Variants in GRIN2B observed in about 807,000 individuals in gnomAD.
GRIN2B encodes the protein glutamate receptor ionotropic, NMDA 2B.
A neutral mutation model predicts 114.5 loss-of-function variants in GRIN2B; 5 were observed. The ratio of observed to expected loss-of-function variants is 0.04; its 90% confidence interval spans 0.02 to 0.09. GRIN2B has a LOEUF of 0.09. Among genes scored for constraint, GRIN2B ranks in the 10% least tolerant of loss-of-function variants. GRIN2B has a pLI of 1.00. For missense variants in GRIN2B, 1,108 were observed against 1,943.5 expected (o/e 0.57, Z 8.08); for synonymous variants, 787 against 745.1 (o/e 1.06, Z -0.92).
chr12:13,810,102 C>T (rs1326754752), intron 3 of GRIN2B, among the ~76,000 whole-genome samples: 1 of 152,156 alleles, frequency 6.6e-6, no homozygotes, highest in Non-Finnish European at 1.5e-5. Context: ...TCCAAGAGAC[C>T]TTCCCTACCA....
At chr12:13,831,003 G>A (rs150519326) in intron 3 of GRIN2B, among the ~76,000 whole-genome samples, 166 of 152,290 alleles carry the variant, frequency 1.1e-3, no homozygotes, top group Non-Finnish European at 1.8e-3. Context: ...GAATGGCTTG[G>A]TGCCCTCCTC....
intron 3 of GRIN2B, among the ~76,000 whole-genome samples, chr12:13,840,087 T>C (rs1865351550): frequency 6.6e-6 from 1 of 152,136 alleles, no homozygotes; most frequent in Non-Finnish European, 1.5e-5. Context: ...AAGGGTGAGG[T>C]GTGTTTCACT....
intron 2 of GRIN2B, among the ~76,000 whole-genome samples, chr12:13,892,550 G>A (rs991925688): frequency 4.6e-5 from 7 of 152,146 alleles, no homozygotes; most frequent in East Asian, 1.9e-4. Flanking sequence ...GAAACAGGGC[G>A]CAGGCCAGAA....
chr12:13,755,401 T>C (rs1388585697), intron 3 of GRIN2B, among the ~76,000 whole-genome samples: 1 of 152,186 alleles, frequency 6.6e-6, no homozygotes, highest in Admixed American at 6.5e-5. Flanking sequence ...TTTTCACATT[T>C]TCCACAGGCT....
chr12:13,643,323 A>G (rs1443152176), intron 5 of GRIN2B, among the ~76,000 whole-genome samples: 1 of 152,142 alleles, frequency 6.6e-6, no homozygotes, highest in Admixed American at 6.6e-5. Flanking sequence ...GTGCATATAA[A>G]AGTTATATTT....
intron 4 of GRIN2B, among the ~76,000 whole-genome samples, chr12:13,736,035 C>T (rs1399445692): frequency 2.0e-5 from 3 of 151,532 alleles, no homozygotes. Flanking sequence ...GCTTGCTTTT[C>T]CCACTTCTCA....
In GRIN2B at chr12:13,820,761, C is replaced by A. The variant is rs1196123863; in HGVS notation, c.411+45037G>T. Among the ~76,000 whole-genome samples, 3 of 152,086 alleles carry A rather than the reference C, an allele frequency of 2.0e-5. No individual in the cohort carries two copies. The East Asian group carries it at 5.8e-4, about 29-fold the overall frequency. On this transcript the variant is annotated intron_variant, in intron 3 of 13. Transcript: ENST00000609686. Reference sequence around the variant, plus strand: ...CTCTTTTAACTATCTGAAAGGAAATCCTTCCTCCTTTTCCCCACTGCTGAG... The same window carrying A: ...CTCTTTTAACTATCTGAAAGGAAATACTTCCTCCTTTTCCCCACTGCTGAG...
chr12:13,973,146 C>T (rs1862960151), intron 2 of GRIN2B, among the ~76,000 whole-genome samples: 1 of 152,200 alleles, frequency 6.6e-6, no homozygotes, highest in Non-Finnish European at 1.5e-5. Flanking sequence ...CTTCTCCCTT[C>T]CTGTAACCAT....
At chr12:13,750,548 T>C (rs1156937709) in intron 4 of GRIN2B, among the ~76,000 whole-genome samples, 7 of 152,248 alleles carry the variant, frequency 4.6e-5, no homozygotes, top group Admixed American at 3.3e-4. Context: ...TTAGTCTCAG[T>C]AGTCCTTCAC....
chr12:13,910,074 T>C (rs1157612671), intron 2 of GRIN2B, among the ~76,000 whole-genome samples: 1 of 152,238 alleles, frequency 6.6e-6, no homozygotes, highest in African/African-American at 2.4e-5. Context: ...GATTTTCTTA[T>C]AAAATTTAAT....
At chr12:13,777,513 C>T (rs1770379071) in intron 3 of GRIN2B, among the ~76,000 whole-genome samples, 1 of 152,088 alleles carries the variant, frequency 6.6e-6, no homozygotes, top group African/African-American at 2.4e-5. Flanking sequence ...TCCGCAATAC[C>T]CATCTTCAGA....
At chr12:13,755,749 A>G (rs1863565095) in intron 3 of GRIN2B, among the ~76,000 whole-genome samples, 1 of 152,164 alleles carries the variant, frequency 6.6e-6, no homozygotes, top group Admixed American at 6.5e-5. Context: ...CTTTGGTCGG[A>G]ATGTTTGCAT....
intron 2 of GRIN2B, among the ~76,000 whole-genome samples, chr12:13,908,944 T>C (rs1462744643): frequency 1.3e-5 from 2 of 152,206 alleles, no homozygotes; most frequent in East Asian, 1.9e-4. Flanking sequence ...TCATGGAATC[T>C]AGAAATGTTT....
At chr12:13,887,051 G>A (rs773825774) in intron 2 of GRIN2B, among the ~76,000 whole-genome samples, 1 of 152,108 alleles carries the variant, frequency 6.6e-6, no homozygotes, top group Non-Finnish European at 1.5e-5. Flanking sequence ...GATACAAACC[G>A]AGGCAGTTAT....
At chr12:13,705,760 G>C (rs1460128962) in intron 4 of GRIN2B, among the ~76,000 whole-genome samples, 2 of 152,126 alleles carry the variant, frequency 1.3e-5, no homozygotes, top group African/African-American at 4.8e-5. Context: ...ATACTCAAGA[G>C]TTCAGAGAAC....
intron 10 of GRIN2B, among the ~76,000 whole-genome samples, chr12:13,605,560 C>CTG (rs1335507349): frequency 3.4e-5 from 5 of 148,560 alleles, no homozygotes; most frequent in African/African-American, 1.2e-4. Context: ...CTGACACACA[C>CTG]ACACACACAC....
chr12:13,783,941 C>T (rs965406725), intron 3 of GRIN2B, among the ~76,000 whole-genome samples: 5 of 151,820 alleles, frequency 3.3e-5, no homozygotes, highest in South Asian at 2.1e-4. Context: ...AAACATATCC[C>T]GGCCGGGCGC....
At chr12:13,814,689 A>G (rs1302667843) in intron 3 of GRIN2B, among the ~76,000 whole-genome samples, 2 of 152,240 alleles carry the variant, frequency 1.3e-5, no homozygotes, top group Admixed American at 6.5e-5. Context: ...AATGTTTTAC[A>G]TCTGTGCTGT....
At chr12:13,702,127 T>C (rs920065714) in intron 4 of GRIN2B, among the ~76,000 whole-genome samples, 1 of 152,224 alleles carries the variant, frequency 6.6e-6, no homozygotes, top group Non-Finnish European at 1.5e-5. Flanking sequence ...TGTACGTAAT[T>C]GTTCTTCCAT....
Sources: gnomAD v4.1 joint callset for allele counts (sites outside exome capture counted in the v4.1 genomes callset) on GRCh38, gnomAD v4.1.1 for gene constraint, MANE v1.5 for transcripts, NCBI Gene and HGNC (gene_info 2026-07-23, HGNC 2026-07-21) for gene names.